Variants in XKR9 observed in about 807,000 individuals in gnomAD.
XKR9 encodes the protein XK-related protein 9.
XKR9 carries 32 observed loss-of-function variants against 32.0 expected under a neutral mutation model. The observed-to-expected ratio is 1.00, with a 90% CI of 0.76 to 1.34. The LOEUF is 1.34. Ranked by LOEUF, XKR9 falls within the 40% of genes most tolerant of loss-of-function variation. The pLI, the probability that XKR9 is intolerant of heterozygous loss-of-function variation, is 0.00. For synonymous variants in XKR9, 168 were observed against 143.4 expected (o/e 1.17, Z -1.22); for missense variants, 546 against 429.7 (o/e 1.27, Z -2.39).
the XKR9 span, among the ~76,000 whole-genome samples, chr8:70,809,163 C>G: frequency 6.6e-6 from 1 of 152,350 alleles, no homozygotes; most frequent in South Asian, 2.1e-4. Flanking sequence ...GCAGCCACTG[C>G]TGCTGATACC....
the XKR9 span, among the ~76,000 whole-genome samples, chr8:70,992,597 C>G: frequency 4.6e-5 from 7 of 152,308 alleles, no homozygotes; most frequent in South Asian, 1.5e-3. Context: ...AATATCTTTC[C>G]TTTGTCAGAT....
chr8:71,036,914 G>T, the XKR9 span, among the ~76,000 whole-genome samples: 2 of 129,406 alleles, frequency 1.5e-5, no homozygotes, highest in African/African-American at 6.0e-5. Flanking sequence ...TTACCATGTT[G>T]CCCAGGCTGG....
At chr8:70,708,137 G>T (rs1175967814) in intron 4 of XKR9, among the ~76,000 whole-genome samples, 1 of 151,958 alleles carries the variant, frequency 6.6e-6, no homozygotes, top group Non-Finnish European at 1.5e-5. Context: ...AAATGATTGT[G>T]TGTATGAGAT....
chr8:71,041,078 C>A, the XKR9 span, among the ~76,000 whole-genome samples: 1 of 152,122 alleles, frequency 6.6e-6, no homozygotes, highest in South Asian at 2.1e-4. Flanking sequence ...GACTTGCTCA[C>A]ATGGTGGTCC....
intron 3 of XKR9, among the ~76,000 whole-genome samples, chr8:70,687,894 T>C (rs889641447): frequency 6.6e-6 from 1 of 152,248 alleles, no homozygotes; most frequent in Non-Finnish European, 1.5e-5. Flanking sequence ...GAATGTTTCA[T>C]GTACACTTGA....
chr8:70,781,200 A>G (rs1051853025), intron 2 of XKR9, among the ~76,000 whole-genome samples: 4 of 152,040 alleles, frequency 2.6e-5, no homozygotes, highest in African/African-American at 9.7e-5. Flanking sequence ...TCATGTGCTT[A>G]TTTGCCACTT....
chr8:71,052,430 A>C, the XKR9 span, among the ~76,000 whole-genome samples: 1 of 152,098 alleles, frequency 6.6e-6, no homozygotes, highest in Admixed American at 6.5e-5. Context: ...TCCTCAGGGC[A>C]CTTCGTAGAC....
At chr8:71,048,587 A>T in the XKR9 span, among the ~76,000 whole-genome samples, 1 of 152,226 alleles carries the variant, frequency 6.6e-6, no homozygotes, top group Non-Finnish European at 1.5e-5. Flanking sequence ...TCTGGATGTT[A>T]ACTTTGAATT....
At chr8:70,910,841 T>G in the XKR9 span, among the ~76,000 whole-genome samples, 1 of 152,228 alleles carries the variant, frequency 6.6e-6, no homozygotes, top group African/African-American at 2.4e-5. Flanking sequence ...CAGTTTCATG[T>G]GCTTGTAGGA....
chr8:70,720,629 G>C (rs771979226), intron 4 of XKR9, among the ~76,000 whole-genome samples: 1 of 152,188 alleles, frequency 6.6e-6, no homozygotes. Context: ...TGAACCAGCT[G>C]TTCATCCCAG....
the XKR9 span, among the ~76,000 whole-genome samples, chr8:70,852,769 GT>G: frequency 3.3e-5 from 5 of 152,122 alleles, no homozygotes; most frequent in Non-Finnish European, 7.3e-5. Flanking sequence ...AACATCTCAT[GT>G]TCTCACTCAT....
the XKR9 span, among the ~76,000 whole-genome samples, chr8:71,044,013 A>C: frequency 6.6e-6 from 1 of 152,220 alleles, no homozygotes; most frequent in East Asian, 1.9e-4. Context: ...GCTATGTGTG[A>C]AAAAAGAAAC....
intron 2 of XKR9, among the ~76,000 whole-genome samples, chr8:70,752,964 T>A (rs1563468494): frequency 6.6e-6 from 1 of 152,042 alleles, no homozygotes; most frequent in Non-Finnish European, 1.5e-5. Flanking sequence ...TTCAAAAAAT[T>A]AATGAATCCA....
the XKR9 span, among the ~76,000 whole-genome samples, chr8:70,992,013 A>G: frequency 6.6e-6 from 1 of 152,224 alleles, no homozygotes; most frequent in Admixed American, 6.5e-5. Flanking sequence ...TTAATTGCAG[A>G]TAATCCTTAG....
At chr8:70,701,539 G>A (rs1011254579) in intron 3 of XKR9, among the ~76,000 whole-genome samples, 1 of 152,058 alleles carries the variant, frequency 6.6e-6, no homozygotes, top group Non-Finnish European at 1.5e-5. Flanking sequence ...CTTTCTCTTT[G>A]TATATTTTTA....
chr8:71,015,560 T>G, the XKR9 span, among the ~76,000 whole-genome samples: 10,295 of 152,260 alleles, frequency 0.068, 492 homozygotes, highest in Non-Finnish European at 0.096. Context: ...ATTCAGCACT[T>G]ATGGCCTATA....
At chr8:70,769,019 A>G (rs1807416697) in intron 2 of XKR9, among the ~76,000 whole-genome samples, 1 of 152,066 alleles carries the variant, frequency 6.6e-6, no homozygotes, top group African/African-American at 2.4e-5. Context: ...GTTTCTTCAT[A>G]GTGTCGTTGG....
downstream of XKR9, among the ~76,000 whole-genome samples, chr8:70,790,562 C>A (rs1481763118): frequency 6.6e-6 from 1 of 152,034 alleles, no homozygotes; most frequent in Non-Finnish European, 1.5e-5. Context: ...CCTTTGCATG[C>A]AGCAGGGTTC....
At chr8:70,874,573 T>A in the XKR9 span, among the ~76,000 whole-genome samples, 2 of 152,202 alleles carry the variant, frequency 1.3e-5, no homozygotes, top group African/African-American at 2.4e-5. Flanking sequence ...TTTAAAGGTG[T>A]GAACCATGAG....
Sources: allele counts gnomAD v4.1 joint callset (sites outside exome capture counted in the v4.1 genomes callset), GRCh38; gene constraint gnomAD v4.1.1; transcripts MANE v1.5; gene names NCBI Gene and HGNC (gene_info 2026-07-23, HGNC 2026-07-21).